The following PCDHAC2 variants were observed in gnomAD, a reference collection of about 807,000 sequenced individuals.
The protein encoded by PCDHAC2 is protocadherin alpha-C2.
In PCDHAC2, 24 loss-of-function variants were observed where a neutral mutation model predicts 63.3. The observed-to-expected ratio is 0.38, with a 90% CI of 0.27 to 0.53. The LOEUF (loss-of-function observed/expected upper bound fraction) is 0.53, where lower values mean the gene tolerates loss of function less well. PCDHAC2 is among the 20% of genes least tolerant of loss of function. The pLI is 0.81. For synonymous variants in PCDHAC2, 569 were observed against 529.4 expected (o/e 1.07, Z -1.03); for missense variants, 1,181 against 1,275.2 (o/e 0.93, Z 1.12).
At chr5:141,002,203 G>T (rs2153973237) in intron 3 of PCDHAC2, among the ~76,000 whole-genome samples, 1 of 152,296 alleles carries the variant, frequency 6.6e-6, no homozygotes, top group East Asian at 1.9e-4. Flanking sequence ...ATAGTCCCCG[G>T]CTTTAATCAA....
In PCDHAC2 at chr5:141,000,416, TATATA is replaced by T. The variant is rs1214257718; in HGVS notation, c.2714-9210_2714-9206del. On this transcript the variant is annotated intron_variant, in intron 3 of 3. Coordinates refer to ENST00000289269, the MANE Select transcript of PCDHAC2 (RefSeq NM_018899.6). ...CTCTCTATATATATATATATATATA[TATATA>T]TTTTTTTTTTTTTTTTTTTTTTTGA... 2.1e-3 allele frequency among the ~76,000 whole-genome samples: 195 copies of T among 93,382 alleles called. 1 individual carries two copies. Among genetic ancestry groups the T allele is most frequent in the African/African-American group, 4.2e-3 (94 of 22,362 alleles). 61.3% of individuals were successfully genotyped at this position (93,382 alleles called of 152,430 possible). A position where few individuals can be genotyped will look rare whatever the true frequency, so the allele number is the denominator to read the frequency against.
At chr5:140,998,687 C>T (rs922040842) in intron 3 of PCDHAC2, among the ~76,000 whole-genome samples, 9 of 152,042 alleles carry the variant, frequency 5.9e-5, no homozygotes, top group Non-Finnish European at 1.5e-5. Flanking sequence ...GCCTCAGCCT[C>T]CCAAGTAGCT....
chr5:140,968,203 G>A lies in PCDHAC2; in HGVS notation c.1437G>A (p.Gln479=). 3.1e-6 allele frequency: 5 copies of A among 1,614,018 alleles called. No homozygotes were observed. Among genetic ancestry groups the A allele is most frequent in the Non-Finnish European group, 4.2e-6 (5 of 1,180,036 alleles). The change falls in exon 1 of 4, where the codon CAG becomes CAA. Residue 479 remains glutamine (Q), a synonymous_variant. Coordinates refer to ENST00000289269, the MANE Select transcript of PCDHAC2 (RefSeq NM_018899.6). The part of the protein sequence containing the change: ...FLEDSYSIYI[Q]ENNLPGVLLC... Reference sequence around the variant, plus strand: ...AGGACTCCTATTCCATCTACATACAGGAGAACAATTTGCCAGGTGTGTTGC... The same window carrying A: ...AGGACTCCTATTCCATCTACATACAAGAGAACAATTTGCCAGGTGTGTTGC...
chr5:140,973,203 A>T (rs1554234958), intron 1 of PCDHAC2, among the ~76,000 whole-genome samples: 1 of 152,196 alleles, frequency 6.6e-6, no homozygotes, highest in Non-Finnish European at 1.5e-5. Flanking sequence ...ATGTGTGCAT[A>T]TTCACCCTAA....
chr5:140,969,147 A>C lies in PCDHAC2; in HGVS notation c.2381A>C (p.Lys794Thr), dbSNP rs781909774. Residue 794 changes from lysine to threonine, a missense_variant, in exon 1 of 4, where the codon AAG (lysine) becomes ACG (threonine). Lys to Thr is a moderately conservative substitution (Grantham distance 78). Coordinates refer to ENST00000289269, the MANE Select transcript of PCDHAC2 (RefSeq NM_018899.6). ...NGSLTKTYCY[K>T]ACLTAGSGSD... ...TCCCTCACCAAGACCTACTGCTACAAGGCCTGTCTGACAGCAGGCTCAGGG... is the reference window on the plus strand; with the variant it reads ...TCCCTCACCAAGACCTACTGCTACACGGCCTGTCTGACAGCAGGCTCAGGG... 2 of 1,614,172 alleles carry C rather than the reference A, an allele frequency of 1.2e-6. No homozygotes were observed. Among genetic ancestry groups the C allele is most frequent in the South Asian group, 2.2e-5 (2 of 91,074 alleles).
At chr5:140,988,556 C>G (rs574182013) in intron 3 of PCDHAC2, among the ~76,000 whole-genome samples, 2 of 152,158 alleles carry the variant, frequency 1.3e-5, no homozygotes, top group Non-Finnish European at 2.9e-5. Flanking sequence ...TCTTCATCTT[C>G]TTCTTGGGAA....
At chr5:141,001,143 G>T (rs1310182286) in intron 3 of PCDHAC2, among the ~76,000 whole-genome samples, 1 of 151,914 alleles carries the variant, frequency 6.6e-6, no homozygotes, top group Admixed American at 6.5e-5. Context: ...ATCTTCTGTT[G>T]CTCTGATCTT....
chr5:141,007,435 G>A (rs1342767950), intron 3 of PCDHAC2, among the ~76,000 whole-genome samples: 1 of 150,972 alleles, frequency 6.6e-6, no homozygotes, highest in Non-Finnish European at 1.5e-5. Flanking sequence ...AGGCATGGTG[G>A]CATGTGCCTG....
At chr5:141,003,486 T>C (rs1563677160) in intron 3 of PCDHAC2, among the ~76,000 whole-genome samples, 2 of 152,054 alleles carry the variant, frequency 1.3e-5, no homozygotes. Flanking sequence ...CTAATTTTTA[T>C]AGTTTTAGTA....
intron 3 of PCDHAC2, among the ~76,000 whole-genome samples, chr5:140,993,418 C>A (rs59434300): frequency 6.6e-5 from 10 of 151,302 alleles, no homozygotes; most frequent in Non-Finnish European, 1.5e-4. Context: ...ATCAGCATTT[C>A]TCTTTTAAAA....
intron 3 of PCDHAC2, among the ~76,000 whole-genome samples, chr5:141,005,634 G>A (rs782404455): frequency 4.8e-5 from 7 of 146,670 alleles, no homozygotes; most frequent in Middle Eastern, 3.6e-3. Flanking sequence ...CCCGGGAGGC[G>A]GAGCTTGCAG....
chr5:140,972,829 A>G (rs1554234573), intron 1 of PCDHAC2, among the ~76,000 whole-genome samples: 1 of 151,808 alleles, frequency 6.6e-6, no homozygotes, highest in Non-Finnish European at 1.5e-5. Flanking sequence ...ACGCCTGGCT[A>G]ATTTTTGTAT....
intron 1 of PCDHAC2, among the ~76,000 whole-genome samples, chr5:140,976,011 CTAAA>C (rs2096695708): frequency 6.6e-6 from 1 of 152,110 alleles, no homozygotes; most frequent in African/African-American, 2.4e-5. Context: ...TATTAAAGAA[CTAAA>C]TAATCACAGT....
chr5:140,986,853 A>G (rs1424493333), intron 3 of PCDHAC2, among the ~76,000 whole-genome samples: 3 of 152,206 alleles, frequency 2.0e-5, no homozygotes, highest in Admixed American at 6.5e-5. Flanking sequence ...AGCAACACCA[A>G]CAATACCCGG....
At chr5:141,007,869 T>C (rs2098349373) in intron 3 of PCDHAC2, among the ~76,000 whole-genome samples, 1 of 152,262 alleles carries the variant, frequency 6.6e-6, no homozygotes, top group African/African-American at 2.4e-5. Flanking sequence ...TCTTTTCCTT[T>C]GTCTTACACT....
chr5:140,997,719 C>T (rs1456038917), intron 3 of PCDHAC2, among the ~76,000 whole-genome samples: 1 of 150,932 alleles, frequency 6.6e-6, no homozygotes, highest in East Asian at 1.9e-4. Context: ...CACCTTTCTA[C>T]GTCAGTACAT....
intron 3 of PCDHAC2, among the ~76,000 whole-genome samples, chr5:140,998,018 G>A (rs575495303): frequency 2.0e-5 from 3 of 152,170 alleles, no homozygotes; most frequent in Admixed American, 6.5e-5. Flanking sequence ...TCCCCACCTC[G>A]AGCTAGTGCT....
chr5:140,987,999 C>T (rs543796200), intron 3 of PCDHAC2, among the ~76,000 whole-genome samples: 3 of 152,292 alleles, frequency 2.0e-5, no homozygotes, highest in African/African-American at 7.2e-5. Context: ...TCTGATCCTT[C>T]CCCAGAAAGA....
Position 141,009,626 on chromosome 5 carries a change from G to C in PCDHAC2, c.2714-1G>C, listed in dbSNP as rs782621388. The C allele has an allele frequency of 1.9e-6, 3 of 1,612,816 alleles. No individual in the cohort carries two copies. Among genetic ancestry groups the C allele is most frequent in the Non-Finnish European group, 2.5e-6 (3 of 1,179,228 alleles). On this transcript the variant is annotated splice_acceptor_variant, in intron 3 of 3. Transcript: ENST00000289269. LOFTEE classifies it high-confidence loss of function. ...ATGATTTGTAATGTTTTGTCTTTCA[G>C]AACCAGAGGCAGGAGAAGTGTCCCC...
Sources: allele counts gnomAD v4.1 joint callset (sites outside exome capture counted in the v4.1 genomes callset), GRCh38; gene constraint gnomAD v4.1.1; transcripts MANE v1.5; gene names NCBI Gene and HGNC (gene_info 2026-07-23, HGNC 2026-07-21).